PCGF5: variants seen among roughly 807,000 people sequenced by gnomAD.
The protein encoded by PCGF5 is polycomb group RING finger protein 5.
PCGF5 carries 9 observed loss-of-function variants against 44.3 expected under a neutral mutation model. That is an observed-to-expected ratio of 0.20 (90% CI 0.12 to 0.35). PCGF5 has a LOEUF of 0.35. PCGF5 is among the 10% of genes least tolerant of loss of function. PCGF5 has a pLI of 1.00. For missense variants in PCGF5, 146 were observed against 305.3 expected (o/e 0.48, Z 3.89); for synonymous variants, 95 against 102.5 (o/e 0.93, Z 0.44).
intron 1 of PCGF5, among the ~76,000 whole-genome samples, chr10:91,205,314 C>T (rs1844326754): frequency 6.6e-6 from 1 of 150,614 alleles, no homozygotes; most frequent in Admixed American, 6.6e-5. Flanking sequence ...CACACACGGC[C>T]CAGCTAACAT....
intron 1 of PCGF5, among the ~76,000 whole-genome samples, chr10:91,184,344 A>G (rs1482254822): frequency 6.6e-6 from 1 of 152,004 alleles, no homozygotes; most frequent in Admixed American, 6.6e-5. Context: ...TACGTGGTCT[A>G]TTCTGATATT....
chr10:91,258,760 G>T (rs973526569), intron 6 of PCGF5, among the ~76,000 whole-genome samples: 1 of 152,114 alleles, frequency 6.6e-6, no homozygotes, highest in Non-Finnish European at 1.5e-5. Context: ...TGTTGATTTA[G>T]ATGTAACTTT....
At chr10:91,237,743 A>G (rs74793583) in intron 2 of PCGF5, among the ~76,000 whole-genome samples, 1 of 110,208 alleles carries the variant, frequency 9.1e-6, no homozygotes, top group Non-Finnish European at 1.7e-5. Context: ...GAATCCATCT[A>G]AAAAAAAAAA....
chr10:91,173,578 C>CTTTTTTTTTTTT (rs59254639), intron 1 of PCGF5, among the ~76,000 whole-genome samples: 1,938 of 115,400 alleles, frequency 0.017, 108 homozygotes, highest in Middle Eastern at 0.027. Context: ...AGGGAGTTGG[C>CTTTTTTTTTTTT]TTTTTTTTTT....
At chr10:91,161,575 G>A (rs1458710183), upstream of PCGF5, among the ~76,000 whole-genome samples, 3 of 152,192 alleles carry the variant, frequency 2.0e-5, no homozygotes, top group Non-Finnish European at 2.9e-5. Context: ...CGCCAGCCTT[G>A]GCTTAAGGAA....
intron 2 of PCGF5, among the ~76,000 whole-genome samples, chr10:91,230,519 T>C (rs937344181): frequency 6.6e-6 from 1 of 152,204 alleles, no homozygotes; most frequent in Non-Finnish European, 1.5e-5. Flanking sequence ...TATGTATTCA[T>C]ATATACATAT....
At chr10:91,178,249 TAATA>T (rs1184221195) in intron 1 of PCGF5, among the ~76,000 whole-genome samples, 1 of 152,152 alleles carries the variant, frequency 6.6e-6, no homozygotes, top group African/African-American at 2.4e-5. Context: ...TGTCTAAAAT[TAATA>T]AATCAAGACG....
intron 1 of PCGF5, among the ~76,000 whole-genome samples, chr10:91,188,926 A>C (rs1843977689): frequency 6.6e-6 from 1 of 152,236 alleles, no homozygotes; most frequent in South Asian, 2.1e-4. Flanking sequence ...GTAAAGAGGC[A>C]TACAGAGTGG....
chr10:91,240,759 T>C (rs1845301725), intron 3 of PCGF5, among the ~76,000 whole-genome samples, 179 bp downstream of exon 3: 1 of 152,070 alleles, frequency 6.6e-6, no homozygotes, highest in Admixed American at 6.6e-5. Flanking sequence ...AATAAGGTTT[T>C]ACATCTTAAA....
At chr10:91,171,516 G>T (rs375531319) in intron 1 of PCGF5, among the ~76,000 whole-genome samples, 1 of 152,170 alleles carries the variant, frequency 6.6e-6, no homozygotes, top group Non-Finnish European at 1.5e-5. Context: ...CTCCAGCAAT[G>T]CTCAGAAAAT....
chr10:91,196,065 C>A (rs1844127646), intron 1 of PCGF5, among the ~76,000 whole-genome samples: 1 of 151,310 alleles, frequency 6.6e-6, no homozygotes, highest in African/African-American at 2.4e-5. Context: ...CAAGTGTTGC[C>A]CCATGGGGTG....
intron 9 of PCGF5, among the ~76,000 whole-genome samples, chr10:91,273,771 A>G (rs1846239200): frequency 6.6e-6 from 1 of 151,578 alleles, no homozygotes; most frequent in South Asian, 2.1e-4. Flanking sequence ...GAATATAAGT[A>G]GATGATAAAT....
At chr10:91,273,944 G>A (rs1395534078) in intron 9 of PCGF5, among the ~76,000 whole-genome samples, 1 of 151,450 alleles carries the variant, frequency 6.6e-6, no homozygotes, top group African/African-American at 2.4e-5. Flanking sequence ...TCAATGTGAA[G>A]TCCTGATGTT....
At position 91,248,489 on chromosome 10, in the gene PCGF5, C is replaced by T. The variant is rs375129964; in HGVS notation, c.210-16C>T. The T allele has an allele frequency of 1.6e-5, 25 of 1,603,648 alleles. No individual in the cohort carries two copies. The highest frequency in any genetic ancestry group is 2.0e-5 in the Non-Finnish European group (23 of 1,171,312). On this transcript the variant is annotated splice_polypyrimidine_tract_variant and intron_variant, in intron 3 of 9. Coordinates refer to ENST00000336126, the MANE Select transcript of PCGF5 (RefSeq NM_032373.5). ...TGTCTTCATTGTTAGTATTTTCTTT[C>T]TCCCCCCTTTCGAAGGTTGGACAAT...
At chr10:91,171,338 C>G (rs1564623961) in intron 1 of PCGF5, among the ~76,000 whole-genome samples, 1 of 151,846 alleles carries the variant, frequency 6.6e-6, no homozygotes, top group Non-Finnish European at 1.5e-5. Context: ...ATTGATTTGC[C>G]AAAAGTAAGT....
intron 2 of PCGF5, among the ~76,000 whole-genome samples, chr10:91,224,554 A>C (rs913612862): frequency 6.6e-6 from 1 of 152,198 alleles, no homozygotes; most frequent in African/African-American, 2.4e-5. Context: ...ACAATTGTAG[A>C]TAGGAGACAT....
intron 1 of PCGF5, among the ~76,000 whole-genome samples, chr10:91,165,080 A>G (rs114118447): frequency 1.5e-3 from 232 of 152,348 alleles, no homozygotes; most frequent in African/African-American, 5.4e-3. Flanking sequence ...GACAGTTGAA[A>G]TTCAGTGCTT....
At chr10:91,232,562 G>A (rs1845039106) in intron 2 of PCGF5, among the ~76,000 whole-genome samples, 1 of 152,144 alleles carries the variant, frequency 6.6e-6, no homozygotes, top group Admixed American at 6.5e-5. Context: ...GATGGCAAAA[G>A]ATGTAAGTGA....
chr10:91,270,836 A>C (rs1339798003), intron 8 of PCGF5, among the ~76,000 whole-genome samples: 2 of 152,080 alleles, frequency 1.3e-5, no homozygotes, highest in African/African-American at 4.8e-5. Context: ...ATTTTAAAGT[A>C]TACATTTTAT....
Sources: allele counts gnomAD v4.1 joint callset (sites outside exome capture counted in the v4.1 genomes callset), GRCh38; gene constraint gnomAD v4.1.1; transcripts MANE v1.5; gene names NCBI Gene and HGNC (gene_info 2026-07-23, HGNC 2026-07-21).